Variants in MAGI2 observed in about 807,000 individuals in gnomAD.
MAGI2 encodes membrane associated guanylate kinase, WW and PDZ domain containing 2.
A neutral mutation model predicts 133.3 loss-of-function variants in MAGI2; 35 were observed. The observed-to-expected ratio is 0.26, with a 90% CI of 0.20 to 0.35. The LOEUF (loss-of-function observed/expected upper bound fraction) is 0.35. Among genes scored for constraint, MAGI2 ranks in the 10% least tolerant of loss-of-function variants. The pLI is 1.00. For missense variants in MAGI2, 1,636 were observed against 1,863.4 expected (o/e 0.88, Z 2.25); for synonymous variants, 729 against 710.6 (o/e 1.03, Z -0.41).
intron 21 of MAGI2, among the ~76,000 whole-genome samples, chr7:78,077,274 T>C (rs2151181704): frequency 6.6e-6 from 1 of 152,270 alleles, no homozygotes; most frequent in East Asian, 1.9e-4. Context: ...ATTTCACAGG[T>C]CACTTTGATA....
intron 1 of MAGI2, among the ~76,000 whole-genome samples, chr7:79,439,007 C>A (rs73147479): frequency 0.19 from 28,880 of 151,984 alleles, 2,923 homozygotes; most frequent in East Asian, 0.3. Context: ...TTATATGGCT[C>A]CAAGTTTCCT....
chr7:78,575,207 A>T (rs551756514), intron 3 of MAGI2, among the ~76,000 whole-genome samples: 1 of 152,280 alleles, frequency 6.6e-6, no homozygotes, highest in Non-Finnish European at 1.5e-5. Flanking sequence ...CTATCATTCC[A>T]TTTAAAAGGA....
intron 1 of MAGI2, among the ~76,000 whole-genome samples, chr7:79,334,104 G>GC (rs1269121698): frequency 1.3e-5 from 2 of 152,130 alleles, no homozygotes; most frequent in Admixed American, 1.3e-4. Flanking sequence ...TTGAGAGGCA[G>GC]CTGTGACATT....
At chr7:79,387,094 T>TGTG (rs1844236781) in intron 1 of MAGI2, among the ~76,000 whole-genome samples, 9 of 141,588 alleles carry the variant, frequency 6.4e-5, no homozygotes, top group African/African-American at 2.4e-4. Flanking sequence ...ATTTTTATGC[T>TGTG]TGTGTGTGTG....
At chr7:79,172,970 T>C (rs1825754904) in intron 1 of MAGI2, 1 of 152,066 alleles carries the variant, frequency 6.6e-6, no homozygotes, top group South Asian at 2.1e-4. Flanking sequence ...GCGCTTGGAA[T>C]ATGCATATGT....
intron 1 of MAGI2, among the ~76,000 whole-genome samples, chr7:79,334,831 A>G (rs1181570668): frequency 6.6e-6 from 1 of 152,154 alleles, no homozygotes; most frequent in Non-Finnish European, 1.5e-5. Context: ...CTAGTACTCT[A>G]TCCATCTATC....
At chr7:78,345,082 G>A (rs780235175) in intron 8 of MAGI2, among the ~76,000 whole-genome samples, 2 of 152,128 alleles carry the variant, frequency 1.3e-5, no homozygotes, top group Non-Finnish European at 2.9e-5. Flanking sequence ...CTAAAATAAT[G>A]AGTCATTCTA....
chr7:79,306,310 T>G (rs1324601437), intron 1 of MAGI2, among the ~76,000 whole-genome samples: 1 of 141,936 alleles, frequency 7.0e-6, no homozygotes, highest in Non-Finnish European at 1.5e-5. Context: ...TGCATATATA[T>G]TTTATATATA....
At chr7:78,688,192 C>T (rs1585090504) in intron 2 of MAGI2, among the ~76,000 whole-genome samples, 1 of 152,068 alleles carries the variant, frequency 6.6e-6, no homozygotes, top group South Asian at 2.1e-4. Flanking sequence ...TTTGTGGTAG[C>T]TGTACTAAAT....
chr7:78,334,473 A>T (rs1472589081), intron 9 of MAGI2, among the ~76,000 whole-genome samples: 1 of 152,236 alleles, frequency 6.6e-6, no homozygotes. Flanking sequence ...CCCAGAAGCC[A>T]CTTAATGTGA....
rs531130590 is a variant in MAGI2 at position 78,067,989 on chromosome 7, C to T, written c.3706+10958G>A. Among the ~76,000 whole-genome samples the T allele has an allele frequency of 2.6e-5, 4 of 152,308 alleles. No individual in the cohort carries two copies. In the South Asian group the frequency reaches 8.3e-4, roughly 32 times the overall value. Reference sequence around the variant, plus strand: ...GGCAGTGACACTATTCTGTATGATACTACAAAGGTGGACACGTCATTAGAC... The same window carrying T: ...GGCAGTGACACTATTCTGTATGATATTACAAAGGTGGACACGTCATTAGAC... On this transcript the variant is annotated intron_variant, in intron 21 of 21. Coordinates refer to ENST00000354212, the MANE Select transcript of MAGI2 (RefSeq NM_012301.4).
intron 1 of MAGI2, among the ~76,000 whole-genome samples, chr7:79,395,329 A>G (rs1164184005): frequency 6.6e-6 from 1 of 152,246 alleles, no homozygotes; most frequent in Non-Finnish European, 1.5e-5. Context: ...AGGAAAGTGT[A>G]AAATTATAAC....
At chr7:78,978,055 C>A (rs1804448841) in intron 2 of MAGI2, among the ~76,000 whole-genome samples, 1 of 151,800 alleles carries the variant, frequency 6.6e-6, no homozygotes, top group African/African-American at 2.4e-5. Flanking sequence ...ACAGCAGTAA[C>A]ACTCATTCAT....
At chr7:78,515,139 T>G (rs955321770) in intron 4 of MAGI2, among the ~76,000 whole-genome samples, 15 of 152,200 alleles carry the variant, frequency 9.9e-5, no homozygotes, top group Admixed American at 6.5e-5. Flanking sequence ...CCGGAAAAGT[T>G]TAGCAGGTAA....
intron 1 of MAGI2, among the ~76,000 whole-genome samples, chr7:79,098,041 G>C (rs1015798696): frequency 5.9e-5 from 9 of 152,158 alleles, no homozygotes; most frequent in Non-Finnish European, 1.2e-4. Context: ...AGAATCACTT[G>C]AATCCGGGAG....
chr7:79,433,825 T>G (rs548771091), intron 1 of MAGI2, among the ~76,000 whole-genome samples: 2 of 152,260 alleles, frequency 1.3e-5, no homozygotes, highest in South Asian at 2.1e-4. Context: ...TCAACTGATT[T>G]GTCTACCAAC....
intron 2 of MAGI2, among the ~76,000 whole-genome samples, chr7:78,760,042 A>G (rs562192220): frequency 1.3e-5 from 2 of 152,176 alleles, no homozygotes. Flanking sequence ...TTGAACCCTG[A>G]AAGGTGGAGG....
intron 1 of MAGI2, among the ~76,000 whole-genome samples, chr7:79,382,773 T>C (rs1439702694): frequency 2.0e-5 from 3 of 151,676 alleles, no homozygotes; most frequent in African/African-American, 7.3e-5. Context: ...ACAACAGTTA[T>C]TGTGCAATGC....
At chr7:78,687,207 A>T (rs868410622) in intron 2 of MAGI2, among the ~76,000 whole-genome samples, 7 of 152,138 alleles carry the variant, frequency 4.6e-5, no homozygotes, top group Middle Eastern at 3.2e-3. Context: ...TGAGACCCCC[A>T]GCTGACCCAA....
Sources: allele counts gnomAD v4.1 joint callset (sites outside exome capture counted in the v4.1 genomes callset), GRCh38; gene constraint gnomAD v4.1.1; transcripts MANE v1.5; gene names NCBI Gene and HGNC (gene_info 2026-07-23, HGNC 2026-07-21).